The following FSTL5 variants were observed in gnomAD, a reference collection of about 807,000 sequenced individuals.
The protein encoded by FSTL5 is follistatin-related protein 5.
A neutral mutation model predicts 89.1 loss-of-function variants in FSTL5; 62 were observed. That is an observed-to-expected ratio of 0.70 (90% CI 0.57 to 0.86). The LOEUF is 0.86. Among genes scored for constraint, FSTL5 ranks in the 40% least tolerant of loss-of-function variants. The pLI is 0.00. For missense variants in FSTL5, 1,057 were observed against 1,001.6 expected (o/e 1.06, Z -0.75); for synonymous variants, 383 against 346.2 (o/e 1.11, Z -1.18).
intron 4 of FSTL5, among the ~76,000 whole-genome samples, chr4:161,890,210 A>G (rs539648006): frequency 1.3e-3 from 194 of 152,222 alleles, no homozygotes; most frequent in African/African-American, 4.6e-3. Flanking sequence ...ATATGCCATA[A>G]TTTGCTTGGT....
chr4:162,144,805 A>AATTT (rs1732905469), intron 1 of FSTL5, among the ~76,000 whole-genome samples: 1 of 151,996 alleles, frequency 6.6e-6, no homozygotes, highest in Non-Finnish European at 1.5e-5. Context: ...ATTTGTTTGG[A>AATTT]ATTTTCTTAT....
chr4:161,451,290 C>A (rs115836352), intron 15 of FSTL5, among the ~76,000 whole-genome samples: 2,458 of 152,072 alleles, frequency 0.016, 78 homozygotes, highest in African/African-American at 0.056. Flanking sequence ...AACTTCAAGT[C>A]TGAGAATGTG....
At chr4:161,857,099 A>G (rs1215578496) in intron 4 of FSTL5, among the ~76,000 whole-genome samples, 1 of 152,186 alleles carries the variant, frequency 6.6e-6, no homozygotes, top group Non-Finnish European at 1.5e-5. Flanking sequence ...CAAAGGTGGC[A>G]GGGGCATTTG....
At chr4:161,856,565 T>C (rs1477805499) in intron 4 of FSTL5, among the ~76,000 whole-genome samples, 1 of 151,818 alleles carries the variant, frequency 6.6e-6, no homozygotes, top group Non-Finnish European at 1.5e-5. Flanking sequence ...AAAAGCCAAA[T>C]GCCTGTCTCT....
chr4:161,541,354 T>G (rs1731812658), intron 9 of FSTL5, among the ~76,000 whole-genome samples: 1 of 152,074 alleles, frequency 6.6e-6, no homozygotes, highest in African/African-American at 2.4e-5. Flanking sequence ...AAGCAAAATT[T>G]TGATATACTT....
At chr4:161,617,676 C>T (rs1734948218) in intron 7 of FSTL5, among the ~76,000 whole-genome samples, 1 of 152,082 alleles carries the variant, frequency 6.6e-6, no homozygotes, top group Admixed American at 6.5e-5. Flanking sequence ...GATTGACCAC[C>T]ACATTCCCAT....
rs5863477 is a variant in FSTL5 at position 161,726,227 on chromosome 4, C to CTTT, written c.727+33181_727+33183dup. ...CTCTTTTTTTTTCTTTTTTCTTTTT[C>CTTT]TTTTTTTTTTTTTTTTTGAGACGGA... On this transcript the variant is annotated intron_variant, in intron 6 of 15. Transcript: ENST00000306100. Among the ~76,000 whole-genome samples the CTTT allele has an allele frequency of 3.0e-3, 336 of 113,642 alleles. 7 individuals carry two copies. Among genetic ancestry groups the CTTT allele is most frequent in the Middle Eastern group, 6.5e-3 (1 of 154 alleles). The allele number at this position is 113,642 out of a possible 152,430, so 74.6% of individuals were successfully genotyped here. A position where few individuals can be genotyped will look rare whatever the true frequency, so the allele number is the denominator to read the frequency against.
At chr4:162,119,609 G>T (rs1731778835) in intron 1 of FSTL5, among the ~76,000 whole-genome samples, 2 of 152,174 alleles carry the variant, frequency 1.3e-5, no homozygotes, top group Non-Finnish European at 2.9e-5. Flanking sequence ...TATCAATGTA[G>T]AATGATTAGA....
At chr4:161,576,775 T>C (rs1023578449) in intron 8 of FSTL5, among the ~76,000 whole-genome samples, 16 of 152,160 alleles carry the variant, frequency 1.1e-4, no homozygotes, top group Admixed American at 9.8e-4. Flanking sequence ...AATTGAGATA[T>C]GAAAAACAAT....
chr4:161,534,002 C>T (rs1246287881), intron 10 of FSTL5, among the ~76,000 whole-genome samples: 1 of 152,044 alleles, frequency 6.6e-6, no homozygotes, highest in Admixed American at 6.6e-5. Context: ...CCAAGAGATG[C>T]AGGAAAAGCC....
intron 6 of FSTL5, among the ~76,000 whole-genome samples, chr4:161,672,599 G>T (rs1737154135): frequency 6.6e-6 from 1 of 150,640 alleles, no homozygotes; most frequent in Non-Finnish European, 1.5e-5. Flanking sequence ...TAATTCTAGA[G>T]ATATATAGAA....
intron 6 of FSTL5, among the ~76,000 whole-genome samples, chr4:161,681,706 A>G (rs1374329743): frequency 6.6e-6 from 1 of 152,166 alleles, no homozygotes. Flanking sequence ...GCTTATAACT[A>G]TATTTTCCCC....
intron 7 of FSTL5, among the ~76,000 whole-genome samples, chr4:161,616,465 T>C (rs1221810922): frequency 6.6e-6 from 1 of 152,176 alleles, no homozygotes; most frequent in Non-Finnish European, 1.5e-5. Context: ...TTTTGGATTC[T>C]TGGACCTTTG....
chr4:161,615,344 T>G (rs144289638), intron 7 of FSTL5, among the ~76,000 whole-genome samples: 1 of 127,238 alleles, frequency 7.9e-6, no homozygotes. Context: ...CAGGCGCCAG[T>G]AGTCCCAGCT....
chr4:161,418,465 A>G (rs930934161), intron 15 of FSTL5, among the ~76,000 whole-genome samples: 1 of 152,150 alleles, frequency 6.6e-6, no homozygotes, highest in Admixed American at 6.5e-5. Context: ...GGTGCTCCTT[A>G]TAATTTTTGA....
rs751507953 is a variant in FSTL5, at chr4:161,631,596, G to T, written c.894+24732C>A. 2.6e-5 allele frequency among the ~76,000 whole-genome samples: 4 copies of T among 152,102 alleles called. No individual in the cohort carries two copies. The East Asian group carries it at 7.7e-4, about 29-fold the overall frequency. On this transcript the variant is annotated intron_variant, in intron 7 of 15. Transcript: ENST00000306100. ...CGTACCATTTCACTCCAGACTGGAC[G>T]AAATAGTGAGATTCTGTCTCTAAAT...
chr4:161,628,234 C>T (rs1274061119), intron 7 of FSTL5, among the ~76,000 whole-genome samples: 1 of 152,084 alleles, frequency 6.6e-6, no homozygotes, highest in Non-Finnish European at 1.5e-5. Flanking sequence ...TTCTCTTCCC[C>T]ATAAGTTTCT....
intron 3 of FSTL5, among the ~76,000 whole-genome samples, chr4:162,026,378 G>C (rs753140271): frequency 3.7e-5 from 5 of 136,452 alleles, no homozygotes; most frequent in African/African-American, 1.4e-4. Context: ...GTGTGATCTC[G>C]GCCACTGCAA....
rs1190013498 is a variant in FSTL5 at position 161,920,641 on chromosome 4, G to A, written c.172C>T (p.Gln58Ter). The A allele has an allele frequency of 6.3e-7, 1 of 1,597,490 alleles. No homozygotes were observed. ...TCACAAGATCCAAAAGGGCCATCCT[G>A]AATCATAAATCCTGAAGAATTAAAA... The part of the protein sequence containing the change: ...ESSRVKGFMI[Q>*]DGPFGSCENK... Residue 58 changes from glutamine to a stop codon, truncating the protein, a stop_gained, in exon 4 of 16, where the codon CAG becomes TAG. Coordinates refer to ENST00000306100, the MANE Select transcript of FSTL5 (RefSeq NM_020116.5). LOFTEE classifies it high-confidence loss of function.
Sources: allele counts gnomAD v4.1 joint callset (sites outside exome capture counted in the v4.1 genomes callset), GRCh38; gene constraint gnomAD v4.1.1; transcripts MANE v1.5; gene names NCBI Gene and HGNC (gene_info 2026-07-23, HGNC 2026-07-21).